Variants in PCDH11X observed in about 807,000 individuals in gnomAD.
PCDH11X encodes the protein protocadherin-11 X-linked.
PCDH11X carries 18 observed loss-of-function variants against 53.3 expected under a neutral mutation model. The ratio of observed to expected loss-of-function variants is 0.34; its 90% confidence interval spans 0.23 to 0.50. The LOEUF (loss-of-function observed/expected upper bound fraction) is 0.50, where lower values mean the gene tolerates loss of function less well. Among genes scored for constraint, PCDH11X ranks in the 20% least tolerant of loss-of-function variants. PCDH11X has a pLI of 0.98. For missense variants in PCDH11X, 570 were observed against 1,032.4 expected, an observed-to-expected ratio of 0.55 and a Z score of 6.14; for synonymous variants, 279 against 393.3, an observed-to-expected ratio of 0.71 and a Z score of 3.44.
At chrX:92,011,184 A>T (rs1464179373) in intron 6 of PCDH11X, among the ~76,000 whole-genome samples, 5 of 112,208 alleles carry the variant, frequency 4.5e-5, no homozygotes, top group African/African-American at 1.6e-4. Context: ...TGTAATGAAC[A>T]TACACATGAA....
At chrX:91,838,751 G>T (rs1389762732) in intron 5 of PCDH11X, among the ~76,000 whole-genome samples, 1 of 107,197 alleles carries the variant, frequency 9.3e-6, no homozygotes. Flanking sequence ...TACTTTTGTT[G>T]AATAGACAAG....
intron 9 of PCDH11X, among the ~76,000 whole-genome samples, chrX:92,418,113 G>C (rs1322159244): frequency 5.7e-5 from 6 of 105,429 alleles, no homozygotes; most frequent in African/African-American, 2.1e-4. Context: ...CCCCAAGCTA[G>C]GTCTCTTCTC....
At chrX:92,395,152 A>G (rs182797181) in intron 9 of PCDH11X, among the ~76,000 whole-genome samples, 12 of 110,872 alleles carry the variant, frequency 1.1e-4, no homozygotes, top group African/African-American at 3.6e-4. Flanking sequence ...TTTTTAATCA[A>G]TCTTATATTG....
chrX:92,462,559 T>C lies in PCDH11X; in HGVS notation c.3344-5740T>C, dbSNP rs184115111. Among the ~76,000 whole-genome samples, 3 of 110,308 alleles carry C rather than the reference T, an allele frequency of 2.7e-5. No individual in the cohort carries two copies. In the East Asian group the frequency reaches 8.5e-4, roughly 31 times the overall value. ...GCATACTTTAGAAATACTGATTTCT[T>C]AGTATTTTCTTTGCCAAACTGAAGA... On this transcript the variant is annotated intron_variant, in intron 9 of 10. Coordinates refer to ENST00000682573, the MANE Select transcript of PCDH11X (RefSeq NM_032968.5).
intron 6 of PCDH11X, among the ~76,000 whole-genome samples, chrX:91,901,107 G>T (rs1161792908): frequency 9.1e-6 from 1 of 110,190 alleles, no homozygotes; most frequent in African/African-American, 3.3e-5. Flanking sequence ...TGAGCCTTAG[G>T]ATCTTTAACT....
chrX:91,830,690 A>G (rs1051887316), intron 4 of PCDH11X, among the ~76,000 whole-genome samples: 2 of 111,284 alleles, frequency 1.8e-5, no homozygotes, highest in African/African-American at 6.5e-5. Context: ...ACCACCTAAT[A>G]TATTATGGCT....
chrX:92,196,770 C>T (rs929715799), intron 6 of PCDH11X, among the ~76,000 whole-genome samples: 4 of 110,588 alleles, frequency 3.6e-5, no homozygotes. Context: ...CAGGGCTGCT[C>T]GGGGCCTTTC....
chrX:92,079,060 G>A (rs1297050824), intron 6 of PCDH11X, among the ~76,000 whole-genome samples: 1 of 110,368 alleles, frequency 9.1e-6, no homozygotes, highest in Non-Finnish European at 1.9e-5. Flanking sequence ...GTAGTCATTT[G>A]TAATAAATGG....
At chrX:92,168,356 C>T (rs1603096523) in intron 6 of PCDH11X, among the ~76,000 whole-genome samples, 2 of 110,947 alleles carry the variant, frequency 1.8e-5, no homozygotes, top group East Asian at 5.8e-4. Context: ...CCCAGGAATT[C>T]GAGACCAGCT....
At chrX:91,892,012 G>GTGTGTGTGT (rs1940504377) in intron 6 of PCDH11X, among the ~76,000 whole-genome samples, 1 of 83,082 alleles carries the variant, frequency 1.2e-5, no homozygotes, top group Admixed American at 1.7e-4. Flanking sequence ...TAATTAGAGG[G>GTGTGTGTGT]GTGTGTGTGT....
chrX:92,116,732 T>A (rs1265949853), intron 6 of PCDH11X, among the ~76,000 whole-genome samples: 1 of 110,479 alleles, frequency 9.1e-6, no homozygotes, highest in Non-Finnish European at 1.9e-5. Context: ...ACTATAGTCA[T>A]GTGCCACCAT....
intron 10 of PCDH11X, among the ~76,000 whole-genome samples, chrX:92,525,631 CA>C (rs60062573): frequency 0.21 from 10,326 of 49,014 alleles, 570 homozygotes; most frequent in Admixed American, 0.33. Context: ...AACTCTTTCT[CA>C]AAAAAAAAAA....
chrX:92,227,046 A>G lies in PCDH11X; in HGVS notation c.3114+25591A>G, dbSNP rs149651855. Reference sequence around the variant, plus strand: ...ACTTTTAGTAATTAACAGATAAAGTATACATTCTGAGCATTAGCAAGTTTG... The same window carrying G: ...ACTTTTAGTAATTAACAGATAAAGTGTACATTCTGAGCATTAGCAAGTTTG... On this transcript the variant is annotated intron_variant, in intron 7 of 10. Coordinates refer to ENST00000682573, the MANE Select transcript of PCDH11X (RefSeq NM_032968.5). Among the ~76,000 whole-genome samples, 330 of 111,864 alleles carry G rather than the reference A, an allele frequency of 3.0e-3. 1 individual carries two copies. The highest frequency in any genetic ancestry group is 4.8e-3 in the Non-Finnish European group (257 of 53,161).
chrX:92,140,987 A>C (rs2148215887), intron 6 of PCDH11X, among the ~76,000 whole-genome samples: 1 of 111,929 alleles, frequency 8.9e-6, no homozygotes, highest in African/African-American at 3.2e-5. Context: ...ATTTATTATT[A>C]ATCTATCATT....
chrX:91,857,928 T>G (rs1220644358), intron 5 of PCDH11X, among the ~76,000 whole-genome samples: 1 of 111,523 alleles, frequency 9.0e-6, no homozygotes, highest in Non-Finnish European at 1.9e-5. Context: ...TTCCACTAGA[T>G]AGTGCACCAG....
intron 6 of PCDH11X, among the ~76,000 whole-genome samples, chrX:92,103,990 T>C (rs1306419999): frequency 1.8e-5 from 2 of 111,427 alleles, no homozygotes. Context: ...CCTAGGGCTG[T>C]AAAGTGTCTC....
At chrX:92,229,113 G>A (rs764112198) in intron 7 of PCDH11X, among the ~76,000 whole-genome samples, 1 of 111,751 alleles carries the variant, frequency 8.9e-6, no homozygotes, top group African/African-American at 3.3e-5. Flanking sequence ...TGAGAATGAT[G>A]TGGTCTACAG....
At chrX:92,543,838 TCAAA>T (rs1180525809) in intron 10 of PCDH11X, among the ~76,000 whole-genome samples, 8 of 108,433 alleles carry the variant, frequency 7.4e-5, no homozygotes, top group South Asian at 4.0e-4. Context: ...AATACTATAC[TCAAA>T]CAATCTAAAG....
intron 6 of PCDH11X, among the ~76,000 whole-genome samples, chrX:92,013,331 T>G (rs1187062777): frequency 9.0e-6 from 1 of 111,623 alleles, no homozygotes; most frequent in Non-Finnish European, 1.9e-5. Flanking sequence ...ACAAGGGATG[T>G]GAAGGACCTC....
Sources: allele counts gnomAD v4.1 joint callset (sites outside exome capture counted in the v4.1 genomes callset), GRCh38; gene constraint gnomAD v4.1.1; transcripts MANE v1.5; gene names NCBI Gene and HGNC (gene_info 2026-07-23, HGNC 2026-07-21).